The following CARMIL3 variants were observed in gnomAD, a reference collection of about 807,000 sequenced individuals.
The protein encoded by CARMIL3 is capping protein, Arp2/3 and myosin-I linker protein 3.
CARMIL3 carries 88 observed loss-of-function variants against 180.8 expected under a neutral mutation model. The ratio of observed to expected loss-of-function variants is 0.49; its 90% confidence interval spans 0.41 to 0.58. CARMIL3 has a LOEUF of 0.58. CARMIL3 is among the 20% of genes least tolerant of loss of function. The pLI is 0.00. For missense variants in CARMIL3, 1,548 were observed against 1,787.0 expected (o/e 0.87, Z 2.41); for synonymous variants, 696 against 714.5 (o/e 0.97, Z 0.41).
At position 24,068,897 on chromosome 14, in the gene CARMIL3, G is replaced by A. The variant is rs773193799; in HGVS notation, c.3913G>A (p.Ala1305Thr). 6.2e-7 allele frequency: 1 copy of A among 1,604,424 alleles called. No individual in the cohort carries two copies. Among genetic ancestry groups the A allele is most frequent in the Non-Finnish European group, 8.5e-7 (1 of 1,175,572 alleles). The change falls in exon 38 of 40, where the codon GCT (alanine) becomes ACT (threonine). Residue 1305 changes from alanine to threonine, a missense_variant. Ala to Thr is a moderately conservative substitution (Grantham distance 58). Transcript: ENST00000342740. ...GGAGGAGGCTGAGGCTGGAGATGCA[G>A]CTCCAGGAGTCAACAAACCCCGGCT... ...VREEAEAGDA[A>T]PGVNKPRLRL...
At chr14:24,062,280 TGGG>T (rs1192775918) in intron 27 of CARMIL3, 197 bp from the exon 28 acceptor site, 3 of 609,318 alleles carry the variant, frequency 4.9e-6, no homozygotes, top group Non-Finnish European at 2.9e-6. Context: ...CTGGGGGCTC[TGGG>T]GTGGGACTAG....
rs376151434 is a variant in CARMIL3, at chr14:24,059,792, G to T, written c.1868+60G>T. ...CCCAGCCTCCCTGTGCCTGGATCAG[G>T]CCTGAACTACTCTTGCCCCACCCTA... On this transcript the variant is annotated intron_variant, in intron 22 of 39. Transcript: ENST00000342740. The surrounding 1 kb of genome is among the most constrained non-coding windows in gnomAD (Gnocchi z 6.3). The T allele has an allele frequency of 3.8e-6, 6 of 1,585,470 alleles. No individual in the cohort carries two copies. In the African/African-American group the frequency reaches 4.0e-5, roughly 11 times the overall value.
Position 24,067,998 on chromosome 14 carries a change from G to T in CARMIL3, c.3683-586G>T, listed in dbSNP as rs1176144717. Among the ~76,000 whole-genome samples the T allele has an allele frequency of 2.6e-5, 4 of 152,262 alleles. No homozygotes were observed. The East Asian group carries it at 7.7e-4, about 29-fold the overall frequency. ...CTGGGCCCTGCCCCAGCAGGAAAGG[G>T]GTTGGGCACTGCTCTGCAAGAGGGA... On this transcript the variant is annotated intron_variant, in intron 36 of 39. Transcript: ENST00000342740.
rs776696826 is a variant in CARMIL3, at chr14:24,056,715, GCAC to G, written c.952+10_952+12del. The G allele has an allele frequency of 6.2e-7, 1 of 1,611,808 alleles. No homozygotes were observed. Among genetic ancestry groups the G allele is most frequent in the East Asian group, 2.2e-5 (1 of 44,878 alleles). Reference sequence around the variant, plus strand: ...ACTGCCATTTCCCCTCGAGGTACTCGCACCAAGGACCCCTGACCTCTGACCCTA... The same window carrying G: ...ACTGCCATTTCCCCTCGAGGTACTCGCAAGGACCCCTGACCTCTGACCCTA... On this transcript the variant is annotated splice_region_variant and intron_variant, in intron 12 of 39. Coordinates refer to ENST00000342740, the MANE Select transcript of CARMIL3 (RefSeq NM_138360.4).
At chr14:24,066,874 A>G (rs1594555418) in intron 36 of CARMIL3, among the ~76,000 whole-genome samples, 1 of 152,268 alleles carries the variant, frequency 6.6e-6, no homozygotes, top group Non-Finnish European at 1.5e-5. Context: ...CGGCTTCTCC[A>G]GTGTTGGCAA....
intron 36 of CARMIL3, among the ~76,000 whole-genome samples, chr14:24,067,782 A>C (rs936531388): frequency 1.3e-5 from 2 of 152,256 alleles, no homozygotes; most frequent in East Asian, 3.8e-4. Context: ...TGCAGACAAC[A>C]CTTTCCAGTG....
Position 24,059,076 on chromosome 14 carries a change from T to G in CARMIL3, c.1572-59T>G. The G allele has an allele frequency of 6.3e-7, 1 of 1,586,566 alleles. No homozygotes were observed. The highest frequency in any genetic ancestry group is 1.3e-5 in the African/African-American group (1 of 74,370). On this transcript the variant is annotated intron_variant, in intron 19 of 39. Coordinates refer to ENST00000342740, the MANE Select transcript of CARMIL3 (RefSeq NM_138360.4). This position sits in a 1 kb window ranked among gnomAD's most constrained non-coding sequence, Gnocchi z 6.3. ...GTATTACCTCTGGCCACCTCTCTCC[T>G]CCTCCAATAGCATGACCCCAGCCCT...
rs1165918885 is a variant in CARMIL3 at position 24,058,183 on chromosome 14, A to T, written c.1351A>T (p.Ser451Cys). Residue 451 changes from serine to cysteine, a missense_variant, in exon 17 of 40, where the codon AGT becomes TGT. Physicochemically the swap from Ser to Cys is moderately radical, Grantham distance 112. Around this residue, in one of 4 missense-constraint regions of CARMIL3, gnomAD observed 578 missense variants for 666.5 expected, o/e 0.87. Transcript: ENST00000342740. The surrounding 1 kb of genome is among the most constrained non-coding windows in gnomAD (Gnocchi z 6.4). ...GCTGCTTCAGGGCCTCTCCCTCAAC[A>T]GTCACCTCAGTGACCTGCACCTGGA... Reference protein sequence around the residue: ...RALLQGLSLNSHLSDLHLDLS... With the variant: ...RALLQGLSLNCHLSDLHLDLS... 1.9e-6 allele frequency: 3 copies of T among 1,613,758 alleles called. No homozygotes were observed. The highest frequency in any genetic ancestry group is 4.5e-5 in the East Asian group (2 of 44,864).
At chr14:24,068,120 C>T (rs538674005) in intron 36 of CARMIL3, among the ~76,000 whole-genome samples, 59 of 152,294 alleles carry the variant, frequency 3.9e-4, no homozygotes, top group Admixed American at 1.5e-3. Flanking sequence ...TATGAAAGAC[C>T]GGGTGCGGTG....
Position 24,064,963 on chromosome 14 carries a change from C to T in CARMIL3, c.3086C>T (p.Pro1029Leu), listed in dbSNP as rs769233917. The T allele has an allele frequency of 6.2e-7, 1 of 1,611,268 alleles. No homozygotes were observed. Among genetic ancestry groups the T allele is most frequent in the Non-Finnish European group, 8.5e-7 (1 of 1,179,344 alleles). The change falls in exon 33 of 40, where the codon CCC (proline) becomes CTC (leucine). Residue 1029 changes from proline to leucine, a missense_variant. Transcript: ENST00000342740. ...RRVLEESSSY[P>L]RTLRTVRPGL... ...CTTACCCCGATTCTCCCCAGCTACCCCCGGACTCTGAGGACCGTGCGGCCA... is the reference window on the plus strand; with the variant it reads ...CTTACCCCGATTCTCCCCAGCTACCTCCGGACTCTGAGGACCGTGCGGCCA...
At chr14:24,064,111 A>T in intron 31 of CARMIL3, 135 bp from the exon 32 acceptor site, 1 of 378,856 alleles carries the variant, frequency 2.6e-6, no homozygotes, top group Non-Finnish European at 4.5e-6. Flanking sequence ...AAAAAAAAAA[A>T]GAAAAAGAAA....
chr14:24,062,364 G>A (rs1375922261), intron 27 of CARMIL3, 116 bp from the exon 28 acceptor site: 2 of 933,276 alleles, frequency 2.1e-6, no homozygotes, highest in Non-Finnish European at 3.6e-6. Context: ...CGCTCCATGG[G>A]CAGACAGACC....
At chr14:24,056,526 A>C (rs2035673469) in intron 11 of CARMIL3, 96 bp from the exon 12 acceptor site, 2 of 1,473,800 alleles carry the variant, frequency 1.4e-6, no homozygotes, top group South Asian at 1.1e-5. Flanking sequence ...CCTTGACCCA[A>C]GGCCTGTACC....
Position 24,063,372 on chromosome 14 carries a change from C to A in CARMIL3, c.2818C>A (p.Pro940Thr), listed in dbSNP as rs778439749. 3 of 1,610,396 alleles carry A rather than the reference C, an allele frequency of 1.9e-6. No homozygotes were observed. Among genetic ancestry groups the A allele is most frequent in the Middle Eastern group, 1.7e-4 (1 of 6,036 alleles). The change falls in exon 31 of 40, where the codon CCC becomes ACC. Residue 940 changes from proline (P) to threonine (T), a missense_variant. By Grantham distance (38) the Pro-to-Thr change is conservative (BLOSUM62 -1). Transcript: ENST00000342740. ...MESQLGNLGIPPGWFSGLGGS... is the reference protein window; with the variant it reads ...MESQLGNLGITPGWFSGLGGS... ...AAGCCAACTGGGGAATCTGGGGATCCCCCCTGGCTGGTTCTCAGGACTTGG... is the reference window on the plus strand; with the variant it reads ...AAGCCAACTGGGGAATCTGGGGATCACCCCTGGCTGGTTCTCAGGACTTGG...
rs1268927486 is a variant in CARMIL3, at chr14:24,054,326, A to G, written c.246+25A>G. On this transcript the variant is annotated intron_variant, in intron 4 of 39. Transcript: ENST00000342740. The surrounding 1 kb of genome is among the most constrained non-coding windows in gnomAD (Gnocchi z 5.1). ...GGTGAGTACCAGGGCTTTGGGCCCC[A>G]CTACTGGGCCAGCTGGAGGAGGGAG... is the stretch of plus-strand genomic sequence containing the variant. 3 of 1,614,076 alleles carry G rather than the reference A, an allele frequency of 1.9e-6. No homozygotes were observed. The highest frequency in any genetic ancestry group is 2.2e-5 in the East Asian group (1 of 44,868).
chr14:24,062,360 A>G, intron 27 of CARMIL3, 120 bp from the exon 28 acceptor site: 1 of 905,836 alleles, frequency 1.1e-6, no homozygotes, highest in Non-Finnish European at 1.9e-6. Context: ...CATGCGCTCC[A>G]TGGGCAGACA....
In CARMIL3 at chr14:24,067,690, G is replaced by A. The variant is rs1026526288; in HGVS notation, c.3683-894G>A. On this transcript the variant is annotated intron_variant, in intron 36 of 39. Coordinates refer to ENST00000342740, the MANE Select transcript of CARMIL3 (RefSeq NM_138360.4). ...ATCCCATACACAGGCTAATTAAAGC[G>A]CCCCAAAGTAGGGCTCCATCTTTCA... 4.6e-5 allele frequency among the ~76,000 whole-genome samples: 7 copies of A among 152,242 alleles called. No homozygotes were observed. In the East Asian group the frequency reaches 7.7e-4, roughly 17 times the overall value.
chr14:24,069,196 C>T lies in CARMIL3; in HGVS notation c.4042C>T (p.Gln1348Ter). The T allele has an allele frequency of 6.2e-7, 1 of 1,613,986 alleles. No individual in the cohort carries two copies. Among genetic ancestry groups the T allele is most frequent in the Non-Finnish European group, 8.5e-7 (1 of 1,179,990 alleles). Reference protein sequence around the residue: ...PLKPKRTRRAQSCDKLEPDRR... With the variant: ...PLKPKRTRRA ...GAAGCCCAAGAGGACACGGCGGGCA[C>T]AGTCCTGTGACAAGCTGGAACCTGA... Residue 1348 changes from glutamine (Q) to a stop codon, truncating the protein, a stop_gained, in exon 39 of 40, where the codon CAG becomes TAG. Coordinates refer to ENST00000342740, the MANE Select transcript of CARMIL3 (RefSeq NM_138360.4). LOFTEE classifies it high-confidence loss of function.
Position 24,059,834 on chromosome 14 carries a change from T to G in CARMIL3, c.1868+102T>G, listed in dbSNP as rs2035713896. The G allele has an allele frequency of 6.5e-7, 1 of 1,537,854 alleles. No individual in the cohort carries two copies. The highest frequency in any genetic ancestry group is 1.4e-5 in the African/African-American group (1 of 73,244). ...CCCACCCTAGCCCCTTTGACCTATT[T>G]GCACAGAAATTTTAGGAAGGGCCAT... On this transcript the variant is annotated intron_variant, in intron 22 of 39. Transcript: ENST00000342740. The surrounding 1 kb of genome is among the most constrained non-coding windows in gnomAD (Gnocchi z 6.3).
Sources: gnomAD v4.1 joint callset for allele counts (sites outside exome capture counted in the v4.1 genomes callset) on GRCh38, gnomAD v4.1.1 for gene constraint, gnomAD v4.1.1 regional missense constraint, Gnocchi (gnomAD v3.1) non-coding constraint, MANE v1.5 for transcripts, NCBI Gene and HGNC (gene_info 2026-07-23, HGNC 2026-07-21) for gene names.